Variants in PCDH9 observed in about 807,000 individuals in gnomAD.
PCDH9 encodes the protein protocadherin-9.
In PCDH9, 24 loss-of-function variants were observed where a neutral mutation model predicts 70.6. That is an observed-to-expected ratio of 0.34 (90% CI 0.25 to 0.48). The LOEUF (loss-of-function observed/expected upper bound fraction) is 0.48, where lower values mean the gene tolerates loss of function less well. Ranked by LOEUF, PCDH9 falls within the 20% of genes least tolerant of loss-of-function variation. The pLI, the probability that PCDH9 is intolerant of heterozygous loss-of-function variation, is 0.99. For synonymous variants in PCDH9, 562 were observed against 558.5 expected, an observed-to-expected ratio of 1.01 and a Z score of -0.09; for missense variants, 1,281 against 1,503.6, an observed-to-expected ratio of 0.85 and a Z score of 2.45.
chr13:66,956,227 G>A (rs963631856), intron 2 of PCDH9, among the ~76,000 whole-genome samples: 5 of 152,136 alleles, frequency 3.3e-5, no homozygotes, highest in South Asian at 4.1e-4. Context: ...AAACAGGAAC[G>A]AATATATGGT....
At chr13:66,641,768 G>A (rs773052992) in intron 3 of PCDH9, among the ~76,000 whole-genome samples, 31 of 152,076 alleles carry the variant, frequency 2.0e-4, no homozygotes, top group Non-Finnish European at 2.9e-4. Context: ...TAGAAATATC[G>A]ATATGGGTTG....
chr13:67,005,827 G>A (rs2139829988), intron 2 of PCDH9, among the ~76,000 whole-genome samples: 1 of 152,240 alleles, frequency 6.6e-6, no homozygotes, highest in Non-Finnish European at 1.5e-5. Flanking sequence ...TTATTTCATA[G>A]GTATTTAGTC....
intron 2 of PCDH9, chr13:67,203,084 T>G (rs1242019675): frequency 6.6e-6 from 1 of 152,122 alleles, no homozygotes; most frequent in Non-Finnish European, 1.5e-5. Flanking sequence ...TATGTACACA[T>G]TTACACTAAA....
intron 4 of PCDH9, among the ~76,000 whole-genome samples, chr13:66,426,030 A>G (rs1244582555): frequency 6.6e-6 from 1 of 151,708 alleles, no homozygotes; most frequent in East Asian, 1.9e-4. Flanking sequence ...TCATGACGTC[A>G]TGTTATGTGG....
intron 4 of PCDH9, among the ~76,000 whole-genome samples, chr13:66,415,544 T>C (rs1334073560): frequency 1.3e-5 from 2 of 152,200 alleles, no homozygotes; most frequent in African/African-American, 4.8e-5. Flanking sequence ...ACGATCAGAC[T>C]GTTTTGCTAC....
chr13:66,625,236 T>G (rs2077483126), intron 4 of PCDH9, among the ~76,000 whole-genome samples: 2 of 152,178 alleles, frequency 1.3e-5, no homozygotes, highest in Admixed American at 1.3e-4. Context: ...ATATCTACAA[T>G]TATCTCAAAA....
intron 3 of PCDH9, among the ~76,000 whole-genome samples, chr13:66,687,788 A>C (rs990313686): frequency 4.6e-5 from 7 of 152,086 alleles, no homozygotes; most frequent in Non-Finnish European, 8.8e-5. Flanking sequence ...TGAGGTTGCA[A>C]AGTGCCCTCA....
intron 3 of PCDH9, among the ~76,000 whole-genome samples, chr13:66,826,573 G>A (rs2080827448): frequency 6.6e-6 from 1 of 152,080 alleles, no homozygotes; most frequent in African/African-American, 2.4e-5. Flanking sequence ...CTGTGTCCTT[G>A]CCAGTACTGT....
chr13:66,694,717 G>A, intron 3 of PCDH9, among the ~76,000 whole-genome samples: 1 of 151,616 alleles, frequency 6.6e-6, no homozygotes, highest in South Asian at 2.1e-4. Flanking sequence ...CATATATATT[G>A]TATATATACA....
chr13:66,862,141 G>A (rs1247071887), intron 3 of PCDH9, among the ~76,000 whole-genome samples: 1 of 152,132 alleles, frequency 6.6e-6, no homozygotes, highest in African/African-American at 2.4e-5. Context: ...CTTTACATTA[G>A]CTTTGTAGTC....
At chr13:67,217,196 C>T (rs2138103964) in intron 2 of PCDH9, 1 of 151,962 alleles carries the variant, frequency 6.6e-6, no homozygotes, top group East Asian at 1.9e-4. Flanking sequence ...CATTCTCCTT[C>T]TATAAAAGAT....
chr13:66,465,798 C>T (rs1234410649), intron 4 of PCDH9, among the ~76,000 whole-genome samples: 1 of 151,724 alleles, frequency 6.6e-6, no homozygotes, highest in Non-Finnish European at 1.5e-5. Context: ...AAGTTTCTAA[C>T]TGGAATATTT....
chr13:66,488,870 G>A (rs1958989119), intron 4 of PCDH9, among the ~76,000 whole-genome samples: 1 of 152,070 alleles, frequency 6.6e-6, no homozygotes, highest in Non-Finnish European at 1.5e-5. Context: ...ATGCATTTCA[G>A]ATGGATTAAA....
chr13:66,359,657 G>A (rs2138190407), intron 4 of PCDH9, among the ~76,000 whole-genome samples: 1 of 152,130 alleles, frequency 6.6e-6, no homozygotes, highest in Middle Eastern at 3.4e-3. Context: ...TAGTAACATA[G>A]TGGCAAATCT....
rs529240300 is a variant in PCDH9 at position 66,700,065 on chromosome 13, C to T, written c.3139-68654G>A. ...TCAGAAATATGTACAAGACATCTGTCCCTGTTCCAGTGTTGTTAGGGCCCT... is the reference window on the plus strand; with the variant it reads ...TCAGAAATATGTACAAGACATCTGTTCCTGTTCCAGTGTTGTTAGGGCCCT... On this transcript the variant is annotated intron_variant, in intron 3 of 4. Transcript: ENST00000377865. Among the ~76,000 whole-genome samples the T allele has an allele frequency of 3.3e-5, 5 of 152,238 alleles. No individual in the cohort carries two copies. In the South Asian group the frequency reaches 1.0e-3, roughly 32 times the overall value.
At chr13:67,054,794 A>G (rs2138106989) in intron 2 of PCDH9, among the ~76,000 whole-genome samples, 1 of 152,300 alleles carries the variant, frequency 6.6e-6, no homozygotes, top group East Asian at 1.9e-4. Context: ...TCAACCTGAG[A>G]GAAATCACAG....
At chr13:66,895,886 T>G (rs1042673789) in intron 3 of PCDH9, among the ~76,000 whole-genome samples, 2 of 152,192 alleles carry the variant, frequency 1.3e-5, no homozygotes, top group East Asian at 3.9e-4. Context: ...TCTTTGTGCA[T>G]CATTTTCTAC....
chr13:66,564,456 A>G (rs2076623159), intron 4 of PCDH9, among the ~76,000 whole-genome samples: 1 of 152,110 alleles, frequency 6.6e-6, no homozygotes, highest in Non-Finnish European at 1.5e-5. Context: ...ATGACCCACC[A>G]CACTAGTCAT....
At chr13:66,621,609 T>G (rs560891202) in intron 4 of PCDH9, among the ~76,000 whole-genome samples, 1 of 152,336 alleles carries the variant, frequency 6.6e-6, no homozygotes, top group East Asian at 1.9e-4. Flanking sequence ...CACTTTCCTT[T>G]TTATGCCTCT....
Sources: gnomAD v4.1 joint callset for allele counts (sites outside exome capture counted in the v4.1 genomes callset) on GRCh38, gnomAD v4.1.1 for gene constraint, MANE v1.5 for transcripts, NCBI Gene and HGNC (gene_info 2026-07-23, HGNC 2026-07-21) for gene names.